Variants in LBX2 observed in about 807,000 individuals in gnomAD.
LBX2 encodes the protein transcription factor LBX2.
In LBX2, 6 loss-of-function variants were observed where a neutral mutation model predicts 7.5. The observed-to-expected ratio is 0.80, with a 90% confidence interval of 0.44 to 1.59. The LOEUF (loss-of-function observed/expected upper bound fraction) is 1.59, where lower values mean the gene tolerates loss of function less well. Among genes scored for constraint, LBX2 ranks in the 40% most tolerant of loss-of-function variants. The pLI, the probability that LBX2 is intolerant of heterozygous loss-of-function variation, is 0.01. For missense variants in LBX2, 281 were observed against 282.0 expected, an observed-to-expected ratio of 1.00 and a Z score of 0.03; for synonymous variants, 143 against 133.2, an observed-to-expected ratio of 1.07 and a Z score of -0.51.
chr2:74,502,943 G>A, upstream of LBX2: 1 of 1,195,132 alleles, frequency 8.4e-7, no homozygotes, highest in Non-Finnish European at 1.2e-6. The surrounding 1 kb of genome is among the most constrained non-coding windows in gnomAD (Gnocchi z 5.4). Flanking sequence ...TGGTGCTGTC[G>A]CCTTTGGATG....
chr2:74,499,781 C>T, upstream of LBX2: 1 of 577,720 alleles, frequency 1.7e-6, no homozygotes, highest in Admixed American at 3.1e-5. The surrounding 1 kb of genome is among the most constrained non-coding windows in gnomAD (Gnocchi z 4.6). Flanking sequence ...GAGCAGAAGC[C>T]GACCAAACTA....
upstream of LBX2, chr2:74,502,363 G>A: frequency 2.4e-6 from 1 of 415,060 alleles, no homozygotes; most frequent in Non-Finnish European, 4.3e-6. The surrounding 1 kb of genome is among the most constrained non-coding windows in gnomAD (Gnocchi z 5.4). Context: ...CTTTAGTCTC[G>A]GATTGCCGGC....
rs1674438902 is a variant in LBX2, at chr2:74,499,474, G to A, written c.64C>T (p.Pro22Ser). The A allele has an allele frequency of 6.4e-7, 1 of 1,550,522 alleles. No homozygotes were observed. The highest frequency in any genetic ancestry group is 2.4e-5 in the East Asian group (1 of 40,926). ...GAGGGTGCTCGGGGGACCATGCGCG[G>A]GGCTAGGATGTCTGCGATGCTTAAG... The part of the protein sequence containing the change: ...TLLSIADILA[P>S]RMVPRAPSAP... Residue 22 changes from proline to serine, a missense_variant, in exon 1 of 2, where the codon CCG becomes TCG. Pro to Ser is a moderately conservative substitution (Grantham distance 74, BLOSUM62 -1). Coordinates refer to ENST00000377566, the MANE Select transcript of LBX2 (RefSeq NM_001282430.2). The surrounding 1 kb of genome is among the most constrained non-coding windows in gnomAD (Gnocchi z 4.6).
chr2:74,503,141 TTC>T (rs1674534498), upstream of LBX2: 1 of 406,912 alleles, frequency 2.5e-6, no homozygotes, highest in Non-Finnish European at 4.4e-6. The surrounding 1 kb of genome is among the most constrained non-coding windows in gnomAD (Gnocchi z 5.1). Flanking sequence ...TCCGGGCGCG[TTC>T]TCAGTCGCGC....
Position 74,499,579 on chromosome 2 carries a change from G to C in LBX2, c.-42C>G. 3 of 1,530,206 alleles carry C rather than the reference G, an allele frequency of 2.0e-6. No homozygotes were observed. Among genetic ancestry groups the C allele is most frequent in the South Asian group, 1.2e-5 (1 of 82,798 alleles). 94.8% of individuals were successfully genotyped at this position (1,530,206 alleles called of 1,614,324 possible). ...GCGGTCCGGCTGTCCGTTGCGCTAG[G>C]CTCCGCAAACGCCTGGGCCCCAGTG... On this transcript the variant is annotated 5_prime_UTR_variant, in exon 1 of 2. Transcript: ENST00000377566. This position sits in a 1 kb window ranked among gnomAD's most constrained non-coding sequence, Gnocchi z 4.6.
intron 1 of LBX2, chr2:74,498,880 C>A (rs116631546): frequency 4.7e-6 from 1 of 212,472 alleles, no homozygotes. Flanking sequence ...CAGTGCTGCG[C>A]CAAGGGCTTT....
intron 1 of LBX2, chr2:74,498,788 C>G (rs1355526613): frequency 5.1e-6 from 1 of 195,618 alleles, no homozygotes; most frequent in Non-Finnish European, 1.0e-5. Flanking sequence ...TCCTTAGTGA[C>G]ACCAGAGCCC....
Position 74,497,872 on chromosome 2 carries a change from G to A in LBX2, c.*55C>T, listed in dbSNP as rs1674386004. On this transcript the variant is annotated 3_prime_UTR_variant, in exon 2 of 2. Coordinates refer to ENST00000377566, the MANE Select transcript of LBX2 (RefSeq NM_001282430.2). ...CCCTGGAACTCTGGCCAGAGGCAGA[G>A]CGCGAGGTGAGGAGTCCAGGGCCCC... 6.8e-7 allele frequency: 1 copy of A among 1,472,428 alleles called. No individual in the cohort carries two copies. Among genetic ancestry groups the A allele is most frequent in the Non-Finnish European group, 9.0e-7 (1 of 1,110,426 alleles). 91.2% of individuals were successfully genotyped at this position (1,472,428 alleles called of 1,614,324 possible).
chr2:74,499,463 G>A lies in LBX2; in HGVS notation c.75C>T (p.Val25=), dbSNP rs117489853. ...SIADILAPRM[V]PRAPSAPQLP... ...GCTGCGGCGCAGAGGGTGCTCGGGG[G>A]ACCATGCGCGGGGCTAGGATGTCTG... The change falls in exon 1 of 2, where the codon GTC becomes GTT. Residue 25 remains valine (V), a synonymous_variant. Transcript: ENST00000377566. The surrounding 1 kb of genome is among the most constrained non-coding windows in gnomAD (Gnocchi z 4.6). The A allele has an allele frequency of 1.9e-3, 2,903 of 1,550,568 alleles. 23 individuals carry two copies. In the East Asian group the frequency reaches 0.022, roughly 11 times the overall value.
chr2:74,499,660 G>C (rs1026558611), upstream of LBX2: 1 of 1,043,796 alleles, frequency 9.6e-7, no homozygotes, highest in African/African-American at 1.6e-5. This position sits in a 1 kb window ranked among gnomAD's most constrained non-coding sequence, Gnocchi z 4.6. Flanking sequence ...CTGGGCCCGA[G>C]TCCCGTGTGC....
At position 74,497,925 on chromosome 2, in the gene LBX2, C is replaced by T. The variant is rs760987307; in HGVS notation, c.*2G>A. The T allele has an allele frequency of 1.9e-6, 3 of 1,553,010 alleles. No homozygotes were observed. The Admixed American group carries it at 5.8e-5, about 30-fold the overall frequency. ...AGCCCAGGATTGGCGGCGGCTTTGT[C>T]TTCAATCGTCCACCTGTATCTCCTC... On this transcript the variant is annotated 3_prime_UTR_variant, in exon 2 of 2. Transcript: ENST00000377566.
chr2:74,502,593 A>G, upstream of LBX2: 1 of 1,472,392 alleles, frequency 6.8e-7, no homozygotes. This position sits in a 1 kb window ranked among gnomAD's most constrained non-coding sequence, Gnocchi z 5.4. Flanking sequence ...CGTCCCGCAC[A>G]CTTCTGGGAT....
In LBX2 at chr2:74,498,285, G is replaced by A; in HGVS notation, c.239C>T (p.Pro80Leu). The A allele has an allele frequency of 6.4e-7, 1 of 1,572,028 alleles. No homozygotes were observed. Among genetic ancestry groups the A allele is most frequent in the Non-Finnish European group, 8.6e-7 (1 of 1,162,158 alleles). Residue 80 changes from proline to leucine, a missense_variant, in exon 2 of 2, where the codon CCC (proline) becomes CTC (leucine). Around this residue, in one of 3 missense-constraint regions of LBX2, gnomAD observed 216 missense variants for 208.7 expected, o/e 1.03. Transcript: ENST00000377566. ...RAGPDALGPGPFGRKRRKSRT... is the reference protein window; with the variant it reads ...RAGPDALGPGLFGRKRRKSRT... The stretch of plus-strand genomic sequence containing the variant: ...TGACTTGCGCCGTTTGCGGCCGAAG[G>A]GACCAGGGCCCAGCGCGTCCGGACC...
At chr2:74,498,345 T>C in intron 1 of LBX2, 27 bp from the exon 2 acceptor site, 1 of 1,473,802 alleles carries the variant, frequency 6.8e-7, no homozygotes, top group Non-Finnish European at 9.0e-7. Flanking sequence ...GGGGTCAGTT[T>C]CCAGCCTCCG....
upstream of LBX2, among the ~76,000 whole-genome samples, chr2:74,500,740 T>C (rs1003283333): frequency 1.3e-5 from 2 of 151,968 alleles, no homozygotes; most frequent in African/African-American, 4.8e-5. Flanking sequence ...AGGGTATGGG[T>C]TTTGTTCCTA....
In LBX2 at chr2:74,498,169, C is replaced by A; in HGVS notation, c.355G>T (p.Ala119Ser). Residue 119 changes from alanine (A) to serine (S), a missense_variant, in exon 2 of 2, where the codon GCT (alanine) becomes TCT (serine). Transcript: ENST00000377566. ...YLAPSERDGL[A>S]TRLGLANAQV... is the part of the protein sequence containing the mutation. ...GCGTTGGCCAGGCCGAGTCGCGTAG[C>A]TAGCCCGTCTCGCTCGGACGGCGCC... The A allele has an allele frequency of 6.2e-7, 1 of 1,612,628 alleles. No individual in the cohort carries two copies. The highest frequency in any genetic ancestry group is 8.5e-7 in the Non-Finnish European group (1 of 1,179,502).
chr2:74,499,616 A>G (rs998834744), upstream of LBX2: 55 of 1,435,490 alleles, frequency 3.8e-5, no homozygotes, highest in African/African-American at 1.1e-4. The surrounding 1 kb of genome is among the most constrained non-coding windows in gnomAD (Gnocchi z 4.6). Flanking sequence ...TCGGCTCCCA[A>G]TCCGGGCCCC....
rs1481487436 is a variant in LBX2 at position 74,499,465 on chromosome 2, C to T, written c.73G>A (p.Val25Ile). ...SIADILAPRM[V>I]PRAPSAPQLP... is the part of the protein sequence containing the mutation. Reference sequence around the variant, plus strand: ...TGCGGCGCAGAGGGTGCTCGGGGGACCATGCGCGGGGCTAGGATGTCTGCG... The same window carrying T: ...TGCGGCGCAGAGGGTGCTCGGGGGATCATGCGCGGGGCTAGGATGTCTGCG... Residue 25 changes from valine (V) to isoleucine (I), a missense_variant, in exon 1 of 2, where the codon GTC becomes ATC. Physicochemically the swap from Val to Ile is conservative, Grantham distance 29. Transcript: ENST00000377566. The surrounding 1 kb of genome is among the most constrained non-coding windows in gnomAD (Gnocchi z 4.6). 3 of 1,550,548 alleles carry T rather than the reference C, an allele frequency of 1.9e-6. No homozygotes were observed. The Admixed American group carries it at 5.9e-5, about 30-fold the overall frequency.
Position 74,498,014 on chromosome 2 carries a change from G to C in LBX2, c.510C>G (p.Gly170=). The part of the protein sequence containing the change: ...EVLCSLALPE[G]APDPGLCLGP... ...CGAGGCAGAGGCCGGGATCTGGAGCGCCTTCGGGCAGTGCTAAGCTGCACA... is the reference window on the plus strand; with the variant it reads ...CGAGGCAGAGGCCGGGATCTGGAGCCCCTTCGGGCAGTGCTAAGCTGCACA... The change falls in exon 2 of 2, where the codon GGC becomes GGG. Residue 170 remains glycine (G), a synonymous_variant. Transcript: ENST00000377566. 2 of 1,611,072 alleles carry C rather than the reference G, an allele frequency of 1.2e-6. No individual in the cohort carries two copies. Among genetic ancestry groups the C allele is most frequent in the South Asian group, 2.2e-5 (2 of 90,988 alleles).
Sources: gnomAD v4.1 joint callset for allele counts (sites outside exome capture counted in the v4.1 genomes callset) on GRCh38, gnomAD v4.1.1 for gene constraint, gnomAD v4.1.1 regional missense constraint, Gnocchi (gnomAD v3.1) non-coding constraint, MANE v1.5 for transcripts, NCBI Gene and HGNC (gene_info 2026-07-23, HGNC 2026-07-21) for gene names.